The following HS6ST3 variants were observed in gnomAD, a reference collection of about 807,000 sequenced individuals.
HS6ST3 encodes the protein heparan sulfate 6-O-sulfotransferase 3.
In HS6ST3, 12 loss-of-function variants were observed where a neutral mutation model predicts 36.7. The observed-to-expected ratio is 0.33, with a 90% CI of 0.21 to 0.53. The LOEUF is 0.53. Among genes scored for constraint, HS6ST3 ranks in the 20% least tolerant of loss-of-function variants. The pLI is 0.95. For missense variants in HS6ST3, 584 were observed against 640.9 expected (o/e 0.91, Z 0.96); for synonymous variants, 240 against 257.5 (o/e 0.93, Z 0.65).
At chr13:96,822,974 A>G (rs867152346) in intron 1 of HS6ST3, among the ~76,000 whole-genome samples, 33 of 152,210 alleles carry the variant, frequency 2.2e-4, no homozygotes, top group Admixed American at 2.6e-4. Context: ...TTGTTTCCCT[A>G]ACATCATGTC....
chr13:96,824,721 T>C (rs2138544657), intron 1 of HS6ST3, among the ~76,000 whole-genome samples: 1 of 152,328 alleles, frequency 6.6e-6, no homozygotes, highest in South Asian at 2.1e-4. Flanking sequence ...TTTTTTAAAA[T>C]GCACACATCA....
chr13:96,740,079 CTGTT>C (rs1356064029), intron 1 of HS6ST3, among the ~76,000 whole-genome samples: 2 of 152,092 alleles, frequency 1.3e-5, no homozygotes, highest in Admixed American at 6.6e-5. Context: ...CCTACAGTCT[CTGTT>C]TGATTTTTTC....
At position 96,833,880 on chromosome 13, in the gene HS6ST3, G is replaced by C. The variant is rs1219868807; in HGVS notation, c.*682G>C. ...TTCCTTCCATCTTTTAGGGAACGGG[G>C]AGTGGATCCAGGACAGGGGAGGTTG... is the stretch of plus-strand genomic sequence containing the variant. On this transcript the variant is annotated 3_prime_UTR_variant, in exon 2 of 2. Coordinates refer to ENST00000376705, the MANE Select transcript of HS6ST3 (RefSeq NM_153456.4). 1.3e-5 allele frequency: 2 copies of C among 152,224 alleles called. No homozygotes were observed. Among genetic ancestry groups the C allele is most frequent in the African/African-American group, 4.8e-5 (2 of 41,442 alleles). The allele number at this position is 152,224 out of a possible 1,614,324, so 9.4% of individuals were successfully genotyped here. A position where few individuals can be genotyped will look rare whatever the true frequency, so the allele number is the denominator to read the frequency against.
chr13:96,757,864 G>T (rs184598779), intron 1 of HS6ST3, among the ~76,000 whole-genome samples: 1 of 151,980 alleles, frequency 6.6e-6, no homozygotes, highest in East Asian at 1.9e-4. Context: ...TATGAATTTA[G>T]TGTGCAAATA....
intron 1 of HS6ST3, among the ~76,000 whole-genome samples, chr13:96,207,025 C>T (rs2054373965): frequency 6.6e-6 from 1 of 152,008 alleles, no homozygotes; most frequent in African/African-American, 2.4e-5. Flanking sequence ...AACAGACAGC[C>T]TAAAGAATGG....
intron 1 of HS6ST3, among the ~76,000 whole-genome samples, chr13:96,441,611 G>A (rs1208891665): frequency 6.6e-6 from 1 of 152,134 alleles, no homozygotes; most frequent in African/African-American, 2.4e-5. Flanking sequence ...TTCAGAAAGT[G>A]CAGAAAATAA....
At chr13:96,092,281 T>C (rs774768299) in intron 1 of HS6ST3, among the ~76,000 whole-genome samples, 1 of 152,174 alleles carries the variant, frequency 6.6e-6, no homozygotes, top group African/African-American at 2.4e-5. Context: ...GCCTACAGGG[T>C]GCCTGACAGT....
At chr13:96,802,497 A>G (rs1213816812) in intron 1 of HS6ST3, among the ~76,000 whole-genome samples, 1 of 152,152 alleles carries the variant, frequency 6.6e-6, no homozygotes, top group Admixed American at 6.5e-5. Context: ...CTCATTAGCT[A>G]CTATGTTGGC....
At chr13:96,529,046 C>G (rs2056125626) in intron 1 of HS6ST3, among the ~76,000 whole-genome samples, 1 of 152,010 alleles carries the variant, frequency 6.6e-6, no homozygotes, top group Non-Finnish European at 1.5e-5. Flanking sequence ...ACTAATATTT[C>G]TAATATGTAT....
intron 1 of HS6ST3, among the ~76,000 whole-genome samples, chr13:96,496,179 C>A (rs1410832530): frequency 6.6e-6 from 1 of 152,164 alleles, no homozygotes; most frequent in Non-Finnish European, 1.5e-5. Context: ...AAATGCCCCA[C>A]CCCTGACTAC....
intron 1 of HS6ST3, among the ~76,000 whole-genome samples, chr13:96,200,846 C>T (rs192569639): frequency 1.3e-4 from 20 of 152,316 alleles, no homozygotes; most frequent in Non-Finnish European, 2.8e-4. Context: ...CATGATCCTA[C>T]TTTGCCTCTG....
At chr13:96,496,014 A>G (rs971808131) in intron 1 of HS6ST3, among the ~76,000 whole-genome samples, 2 of 152,182 alleles carry the variant, frequency 1.3e-5, no homozygotes, top group Non-Finnish European at 2.9e-5. Context: ...TGCAAGGGCA[A>G]TGGCAGAGGC....
chr13:96,280,321 CCTT>C (rs1301257496), intron 1 of HS6ST3, among the ~76,000 whole-genome samples: 1 of 151,954 alleles, frequency 6.6e-6, no homozygotes, highest in Non-Finnish European at 1.5e-5. Context: ...GCCAATGAAA[CCTT>C]CTTTTTTTCT....
intron 1 of HS6ST3, among the ~76,000 whole-genome samples, chr13:96,476,340 T>C (rs936421276): frequency 6.6e-6 from 1 of 152,062 alleles, no homozygotes; most frequent in African/African-American, 2.4e-5. Context: ...CTTGAATGAT[T>C]CCTTGAGACA....
intron 1 of HS6ST3, among the ~76,000 whole-genome samples, chr13:96,662,662 G>A (rs1249819739): frequency 1.3e-5 from 2 of 152,132 alleles, no homozygotes; most frequent in Non-Finnish European, 1.5e-5. Flanking sequence ...TAGAGTGCTA[G>A]TGTGATATAA....
intron 1 of HS6ST3, among the ~76,000 whole-genome samples, chr13:96,245,694 C>T (rs546335990): frequency 2.6e-5 from 4 of 152,078 alleles, no homozygotes; most frequent in African/African-American, 7.2e-5. Context: ...ACTAGACACC[C>T]CATACAAACT....
intron 1 of HS6ST3, among the ~76,000 whole-genome samples, chr13:96,660,652 G>T (rs1418235219): frequency 6.6e-6 from 1 of 152,066 alleles, no homozygotes; most frequent in African/African-American, 2.4e-5. Flanking sequence ...TAACTATAAT[G>T]TTAATAGAAC....
intron 1 of HS6ST3, among the ~76,000 whole-genome samples, chr13:96,555,012 T>A (rs2056234812): frequency 6.6e-6 from 1 of 151,942 alleles, no homozygotes; most frequent in African/African-American, 2.4e-5. Flanking sequence ...CCCAGGAGGT[T>A]GAGGCTGCAG....
chr13:96,596,904 T>C (rs562393398), intron 1 of HS6ST3, among the ~76,000 whole-genome samples: 2 of 152,050 alleles, frequency 1.3e-5, no homozygotes, highest in African/African-American at 4.8e-5. Context: ...GCAGCACTAT[T>C]TATAATAGCA....
Sources: allele counts gnomAD v4.1 joint callset (sites outside exome capture counted in the v4.1 genomes callset), GRCh38; gene constraint gnomAD v4.1.1; transcripts MANE v1.5; gene names NCBI Gene and HGNC (gene_info 2026-07-23, HGNC 2026-07-21).